Variants in COL13A1 observed in about 807,000 individuals in gnomAD.
The protein encoded by COL13A1 is collagen type XIII alpha 1 chain, also known as collagen alpha-1(XIII) chain.
In COL13A1, 89 loss-of-function variants were observed where a neutral mutation model predicts 130.9. That is an observed-to-expected ratio of 0.68 (90% CI 0.57 to 0.81). The LOEUF is 0.81. Among genes scored for constraint, COL13A1 ranks in the 30% least tolerant of loss-of-function variants. The pLI is 0.00. For missense variants in COL13A1, 879 were observed against 934.6 expected, an observed-to-expected ratio of 0.94 and a Z score of 0.78; for synonymous variants, 402 against 341.6, an observed-to-expected ratio of 1.18 and a Z score of -1.95.
At position 69,923,869 on chromosome 10, in the gene COL13A1, C is replaced by A. The variant is rs1423932096; in HGVS notation, c.1284+14C>A. 1 of 1,610,550 alleles carries A rather than the reference C, an allele frequency of 6.2e-7. No homozygotes were observed. The highest frequency in any genetic ancestry group is 1.1e-5 in the South Asian group (1 of 89,940). On this transcript the variant is annotated intron_variant, in intron 24 of 40. Coordinates refer to ENST00000645393, the MANE Select transcript of COL13A1 (RefSeq NM_001368882.1). ...CCAGGAGACAAGGTACAGAGACCCC[C>A]ACATCCCAGAGCTGCAAGATGAGGG...
chr10:69,932,786 C>A (rs571568179), intron 31 of COL13A1, among the ~76,000 whole-genome samples, 182 bp downstream of exon 31: 1 of 152,302 alleles, frequency 6.6e-6, no homozygotes, highest in East Asian at 1.9e-4. Context: ...CTCTCAGCAA[C>A]CTTCACAGAG....
intron 27 of COL13A1, among the ~76,000 whole-genome samples, chr10:69,928,675 G>A (rs1197215919): frequency 6.6e-6 from 1 of 152,226 alleles, no homozygotes. Context: ...GGCGACCAGA[G>A]ATGCCCTAGA....
intron 7 of COL13A1, among the ~76,000 whole-genome samples, chr10:69,884,712 C>T (rs991558697): frequency 1.4e-4 from 22 of 152,200 alleles, no homozygotes; most frequent in Admixed American, 6.5e-4. Flanking sequence ...TGTACAAATA[C>T]ATCTATTTTG....
At chr10:69,929,899 T>A in intron 28 of COL13A1, 144 bp from the exon 29 acceptor site, 1 of 702,326 alleles carries the variant, frequency 1.4e-6, no homozygotes, top group Admixed American at 2.3e-5. Context: ...TGCAAATTCA[T>A]ACCTCCCAGC....
At chr10:69,941,810 G>A (rs2067677467) in intron 35 of COL13A1, among the ~76,000 whole-genome samples, 1 of 152,142 alleles carries the variant, frequency 6.6e-6, no homozygotes, top group African/African-American at 2.4e-5. Flanking sequence ...TCCCTCCCGT[G>A]AGCGCCCTCT....
At position 69,936,800 on chromosome 10, in the gene COL13A1, G is replaced by C. The variant is rs2066986325; in HGVS notation, c.1797+18G>C. 3.1e-6 allele frequency: 5 copies of C among 1,613,860 alleles called. No homozygotes were observed. The highest frequency in any genetic ancestry group is 4.2e-6 in the Non-Finnish European group (5 of 1,179,826). ...GACCAAAGGTAAGGAGAAGTCACAT[G>C]ACAGGCGCTGTGTCAGTGCTAGTAG... On this transcript the variant is annotated intron_variant, in intron 33 of 40. Coordinates refer to ENST00000645393, the MANE Select transcript of COL13A1 (RefSeq NM_001368882.1).
chr10:69,935,823 A>G (rs2066759048), intron 32 of COL13A1, among the ~76,000 whole-genome samples: 1 of 151,990 alleles, frequency 6.6e-6, no homozygotes, highest in Non-Finnish European at 1.5e-5. Context: ...CAGCCTGGGC[A>G]ACATAATGAA....
rs563300961 is a variant in COL13A1, at chr10:69,944,953, G to A, written c.1969-718G>A. Among the ~76,000 whole-genome samples, 9 of 152,352 alleles carry A rather than the reference G, an allele frequency of 5.9e-5. No homozygotes were observed. The South Asian group carries it at 1.9e-3, about 32-fold the overall frequency. ...AGCCATAGGCCAGGCTCCCACGGTC[G>A]CTGTCGATGGACGTTGGCCATGTCA... On this transcript the variant is annotated intron_variant, in intron 36 of 40. Coordinates refer to ENST00000645393, the MANE Select transcript of COL13A1 (RefSeq NM_001368882.1).
chr10:69,819,412 G>C lies in COL13A1; in HGVS notation c.295-2957G>C, dbSNP rs965621220. ...TTGACTTATTGGCATCAACATAGGA[G>C]GGGGAGTGAGGGAAGCAGTTGGGCA... is the stretch of plus-strand genomic sequence containing the variant. On this transcript the variant is annotated intron_variant, in intron 1 of 40. Coordinates refer to ENST00000645393, the MANE Select transcript of COL13A1 (RefSeq NM_001368882.1). Among the ~76,000 whole-genome samples the C allele has an allele frequency of 2.0e-5, 3 of 147,352 alleles. No individual in the cohort carries two copies. The East Asian group carries it at 5.8e-4, about 28-fold the overall frequency.
chr10:69,824,726 G>A (rs1847067256), intron 2 of COL13A1, among the ~76,000 whole-genome samples: 1 of 152,218 alleles, frequency 6.6e-6, no homozygotes, highest in African/African-American at 2.4e-5. Flanking sequence ...CATAGAGGAA[G>A]AGTGGGCAGG....
At chr10:69,861,040 T>G (rs538038756) in intron 2 of COL13A1, among the ~76,000 whole-genome samples, 13 of 152,156 alleles carry the variant, frequency 8.5e-5, no homozygotes, top group Non-Finnish European at 1.6e-4. Context: ...AGTCTGCTAC[T>G]TAGGCACACC....
chr10:69,950,294 G>A (rs2069300501), intron 38 of COL13A1, among the ~76,000 whole-genome samples: 1 of 151,972 alleles, frequency 6.6e-6, no homozygotes, highest in Non-Finnish European at 1.5e-5. Context: ...TCTCTTTTGT[G>A]TCACTGTCTG....
In COL13A1 at chr10:69,802,227, G is replaced by A. The variant is rs1302573809; in HGVS notation, c.-197G>A. ...CTCACCTAGGTGTACCCCAATTACC[G>A]CTGGTTGTGCTTTTTCGGCACTTCC... On this transcript the variant is annotated 5_prime_UTR_variant, in exon 1 of 41. Transcript: ENST00000645393. 1.7e-6 allele frequency: 1 copy of A among 588,250 alleles called. No homozygotes were observed. Among genetic ancestry groups the A allele is most frequent in the Non-Finnish European group, 2.7e-6 (1 of 369,834 alleles). 36.4% of individuals were successfully genotyped at this position (588,250 alleles called of 1,614,324 possible). A position where few individuals can be genotyped will look rare whatever the true frequency, so the allele number is the denominator to read the frequency against.
At chr10:69,907,709 C>A (rs1403782887) in intron 17 of COL13A1, among the ~76,000 whole-genome samples, 2 of 152,020 alleles carry the variant, frequency 1.3e-5, no homozygotes, top group African/African-American at 4.8e-5. Flanking sequence ...CTAAACCACT[C>A]CCATGATAAC....
intron 2 of COL13A1, among the ~76,000 whole-genome samples, chr10:69,856,586 A>G (rs935387550): frequency 8.5e-5 from 13 of 152,248 alleles, no homozygotes; most frequent in Non-Finnish European, 1.3e-4. Context: ...AATTCACTGA[A>G]TATTTTGATG....
chr10:69,868,191 A>G (rs562119370), intron 3 of COL13A1, among the ~76,000 whole-genome samples: 2 of 151,400 alleles, frequency 1.3e-5, no homozygotes, highest in South Asian at 2.1e-4. Flanking sequence ...CTGCCCCTTG[A>G]AAGGTCCCAG....
At chr10:69,826,645 A>G (rs1002232728) in intron 2 of COL13A1, among the ~76,000 whole-genome samples, 7 of 152,282 alleles carry the variant, frequency 4.6e-5, no homozygotes, top group African/African-American at 1.7e-4. Flanking sequence ...GTTCAAAAGG[A>G]ACAAATAAGC....
intron 7 of COL13A1, among the ~76,000 whole-genome samples, chr10:69,886,606 A>G (rs1161412576): frequency 2.0e-5 from 3 of 152,220 alleles, no homozygotes; most frequent in Non-Finnish European, 2.9e-5. Context: ...GGCCTTGAAC[A>G]TGGTAGAAAG....
chr10:69,918,817 C>G (rs1018384971), intron 19 of COL13A1, among the ~76,000 whole-genome samples: 1 of 152,210 alleles, frequency 6.6e-6, no homozygotes, highest in African/African-American at 2.4e-5. Context: ...TCCTGGGCTG[C>G]CTCACTTATG....
Sources: allele counts gnomAD v4.1 joint callset (sites outside exome capture counted in the v4.1 genomes callset), GRCh38; gene constraint gnomAD v4.1.1; transcripts MANE v1.5; gene names NCBI Gene and HGNC (gene_info 2026-07-23, HGNC 2026-07-21).